The following DNAH7 variants were observed in gnomAD, a reference collection of about 807,000 sequenced individuals.
DNAH7 encodes the protein axonemal beta dynein heavy chain 7.
DNAH7 carries 397 observed loss-of-function variants against 444.6 expected under a neutral mutation model. The observed-to-expected ratio is 0.89, with a 90% CI of 0.82 to 0.97. The LOEUF (loss-of-function observed/expected upper bound fraction) is 0.97, where lower values mean the gene tolerates loss of function less well. DNAH7 is among the 50% of genes least tolerant of loss of function. The pLI is 0.00. For missense variants in DNAH7, 4,902 were observed against 4,800.8 expected, an observed-to-expected ratio of 1.02 and a Z score of -0.62; for synonymous variants, 1,636 against 1,624.4, an observed-to-expected ratio of 1.01 and a Z score of -0.17.
intron 38 of DNAH7, among the ~76,000 whole-genome samples, chr2:195,875,147 T>A (rs1433950386): frequency 6.6e-6 from 1 of 152,226 alleles, no homozygotes; most frequent in Non-Finnish European, 1.5e-5. Context: ...AAGGATCTTT[T>A]GGCCATTCCC....
intron 7 of DNAH7, among the ~76,000 whole-genome samples, 180 bp downstream of exon 7, chr2:196,026,580 A>G (rs1000368886): frequency 3.9e-5 from 6 of 152,164 alleles, no homozygotes; most frequent in Admixed American, 6.5e-5. Flanking sequence ...AAATAGAATT[A>G]TTTTTTGTAA....
intron 12 of DNAH7, among the ~76,000 whole-genome samples, chr2:195,988,592 G>C (rs1286297900): frequency 2.6e-5 from 4 of 152,014 alleles, no homozygotes; most frequent in African/African-American, 9.7e-5. Context: ...GGAATACAAT[G>C]TGATGCTTTG....
In DNAH7 at chr2:195,969,992, T is replaced by C; in HGVS notation, c.2161A>G (p.Lys721Glu). 1 of 1,612,192 alleles carries C rather than the reference T, an allele frequency of 6.2e-7. No homozygotes were observed. The highest frequency in any genetic ancestry group is 8.5e-7 in the Non-Finnish European group (1 of 1,179,426). Residue 721 changes from lysine (K) to glutamate (E), a missense_variant, in exon 17 of 65, where the codon AAG (lysine) becomes GAG (glutamate). By Grantham distance (56) the Lys-to-Glu change is moderately conservative. Transcript: ENST00000312428. ...DLQDVQRYLK[K>E]AQILNGKLDL... ...AACTTTCCATTCAGTATTTGAGCCT[T>C]TTTTAGGTACCGCTGAACATCCTGA...
chr2:195,929,645 G>A (rs903942028), intron 21 of DNAH7, among the ~76,000 whole-genome samples: 1 of 152,076 alleles, frequency 6.6e-6, no homozygotes, highest in African/African-American at 2.4e-5. Flanking sequence ...TTCAATAAAC[G>A]GTGCTTAAAT....
chr2:195,969,899 G>A (rs1169974718), intron 17 of DNAH7, 49 bp downstream of exon 17: 1 of 1,558,432 alleles, frequency 6.4e-7, no homozygotes, highest in Admixed American at 2.0e-5. Flanking sequence ...CGAATTCAAT[G>A]CTTTTTCAAT....
chr2:195,915,205 T>C (rs1318793389), intron 24 of DNAH7, among the ~76,000 whole-genome samples: 2 of 152,106 alleles, frequency 1.3e-5, no homozygotes, highest in African/African-American at 2.4e-5. Context: ...AGAAGATACA[T>C]GGTGTGATGA....
intron 54 of DNAH7, among the ~76,000 whole-genome samples, chr2:195,806,126 C>T (rs955475160): frequency 4.7e-5 from 7 of 150,480 alleles, no homozygotes; most frequent in Non-Finnish European, 8.9e-5. Context: ...TTTTAGAGCA[C>T]ATTGATATCT....
At position 196,024,468 on chromosome 2, in the gene DNAH7, TCTC is replaced by T; in HGVS notation, c.701_703del (p.Gly234del). On this transcript the variant is annotated inframe_deletion, in exon 8 of 65. Coordinates refer to ENST00000312428, the MANE Select transcript of DNAH7 (RefSeq NM_018897.3). ...TGGAAGTTCATCTGTCTTCTTATCATCTCCTTTCTCTCGAGGATCTTTTAAAAC... is the reference window on the plus strand; with the variant it reads ...TGGAAGTTCATCTGTCTTCTTATCATCTTTCTCTCGAGGATCTTTTAAAAC... 6.3e-7 allele frequency: 1 copy of T among 1,583,554 alleles called. No homozygotes were observed.
intron 17 of DNAH7, among the ~76,000 whole-genome samples, chr2:195,961,511 G>C (rs1450990451): frequency 2.7e-5 from 4 of 149,094 alleles, no homozygotes; most frequent in African/African-American, 9.7e-5. Context: ...TCTGTGCCTG[G>C]AATATTTGAC....
chr2:195,891,319 C>T (rs1702000170), intron 31 of DNAH7, among the ~76,000 whole-genome samples: 1 of 152,190 alleles, frequency 6.6e-6, no homozygotes, highest in South Asian at 2.1e-4. Flanking sequence ...GGAGGAAGAA[C>T]ATTACTGAAG....
chr2:195,840,494 T>C (rs997319814), intron 47 of DNAH7, among the ~76,000 whole-genome samples: 2 of 151,668 alleles, frequency 1.3e-5, no homozygotes, highest in Admixed American at 6.6e-5. Context: ...CTAGAAGCCC[T>C]TGTCAGTGCA....
chr2:195,747,255 T>G (rs1175073819), intron 63 of DNAH7, among the ~76,000 whole-genome samples: 2 of 152,042 alleles, frequency 1.3e-5, no homozygotes, highest in Non-Finnish European at 2.9e-5. Context: ...CTAGAAGAAA[T>G]GGATAAATTC....
At chr2:195,780,700 G>A (rs1291174999) in intron 58 of DNAH7, among the ~76,000 whole-genome samples, 1 of 151,976 alleles carries the variant, frequency 6.6e-6, no homozygotes, top group Admixed American at 6.6e-5. Context: ...GCAGTGAGCC[G>A]AGATCGTGCC....
At chr2:195,776,029 CTTTCTAGAACT>C in intron 59 of DNAH7, 46 bp from the exon 60 acceptor site, 1 of 1,598,584 alleles carries the variant, frequency 6.3e-7, no homozygotes, top group Non-Finnish European at 8.5e-7. Context: ...AAATCAATTA[CTTTCTAGAACT>C]TTTCACAGAA....
chr2:195,878,487 C>T (rs59987538), intron 36 of DNAH7, among the ~76,000 whole-genome samples: 2 of 151,994 alleles, frequency 1.3e-5, no homozygotes, highest in South Asian at 4.2e-4. Context: ...GTAGTCCCAG[C>T]TACTTGGGAG....
chr2:195,872,424 T>C lies in DNAH7; in HGVS notation c.6459A>G (p.Val2153=). The part of the protein sequence containing the change: ...DEFLDLTTQI[V]NGTMTLYKEA... ...CTTTATACAGAGTCATTGTGCCATT[T>C]ACGATTTGTGTGGTCAAATCTAGAA... The change falls in exon 40 of 65, where the codon GTA becomes GTG. Residue 2153 remains valine (V), a synonymous_variant. Transcript: ENST00000312428. The C allele has an allele frequency of 1.9e-6, 3 of 1,610,124 alleles. No homozygotes were observed. Among genetic ancestry groups the C allele is most frequent in the Non-Finnish European group, 2.5e-6 (3 of 1,177,868 alleles).
At chr2:196,006,312 A>G (rs965968267) in intron 10 of DNAH7, among the ~76,000 whole-genome samples, 1 of 152,160 alleles carries the variant, frequency 6.6e-6, no homozygotes, top group African/African-American at 2.4e-5. Flanking sequence ...TCTCCAAAAA[A>G]AGACAGGATT....
Position 195,957,019 on chromosome 2 carries a change from C to CCA in DNAH7, c.3078+240_3078+241dup, listed in dbSNP as rs1223015186. On this transcript the variant is annotated intron_variant, in intron 19 of 64. Coordinates refer to ENST00000312428, the MANE Select transcript of DNAH7 (RefSeq NM_018897.3). ...CATCAGATAAGAACCAATAACAGAACCAAAGGTTGTTAAACAATGCAAATT... is the reference window on the plus strand; with the variant it reads ...CATCAGATAAGAACCAATAACAGAACCACAAAGGTTGTTAAACAATGCAAATT... Among the ~76,000 whole-genome samples the CCA allele has an allele frequency of 1.1e-4, 17 of 152,120 alleles. 1 individual carries two copies. Among genetic ancestry groups the CCA allele is most frequent in the Admixed American group, 1.0e-3 (16 of 15,260 alleles).
At chr2:195,994,105 C>A (rs2125661429) in intron 12 of DNAH7, among the ~76,000 whole-genome samples, 1 of 152,258 alleles carries the variant, frequency 6.6e-6, no homozygotes, top group South Asian at 2.1e-4. Context: ...ATTAAAATGT[C>A]AGCTTTCTTC....
Sources: allele counts gnomAD v4.1 joint callset (sites outside exome capture counted in the v4.1 genomes callset), GRCh38; gene constraint gnomAD v4.1.1; transcripts MANE v1.5; gene names NCBI Gene and HGNC (gene_info 2026-07-23, HGNC 2026-07-21).